CARNMT1: variants seen among roughly 807,000 people sequenced by gnomAD.
CARNMT1 encodes the protein protein-L-histidine N-pros-methyltransferase CARNMT1.
CARNMT1 carries 28 observed loss-of-function variants against 49.6 expected under a neutral mutation model. The observed-to-expected ratio is 0.56, with a 90% confidence interval of 0.42 to 0.77. The LOEUF is 0.77. Ranked by LOEUF, CARNMT1 falls within the 30% of genes least tolerant of loss-of-function variation. The pLI, the probability that CARNMT1 is intolerant of heterozygous loss-of-function variation, is 0.00. For synonymous variants in CARNMT1, 178 were observed against 175.0 expected, an observed-to-expected ratio of 1.02 and a Z score of -0.13; for missense variants, 421 against 512.6, an observed-to-expected ratio of 0.82 and a Z score of 1.73.
intron 3 of CARNMT1, among the ~76,000 whole-genome samples, chr9:75,000,487 C>G (rs529674286): frequency 1.3e-5 from 2 of 152,258 alleles, no homozygotes; most frequent in East Asian, 3.9e-4. Flanking sequence ...CACAACCAAA[C>G]TGATCTCTAC....
At chr9:75,006,233 G>A (rs996555853) in intron 3 of CARNMT1, among the ~76,000 whole-genome samples, 1 of 151,974 alleles carries the variant, frequency 6.6e-6, no homozygotes, top group South Asian at 2.1e-4. Flanking sequence ...TGTATTTTTA[G>A]TAGAGACGGG....
intron 1 of CARNMT1, among the ~76,000 whole-genome samples, chr9:75,019,933 T>C (rs1409544872): frequency 6.6e-6 from 1 of 152,212 alleles, no homozygotes; most frequent in Non-Finnish European, 1.5e-5. Context: ...ACCATCTGGA[T>C]AACCTCAAGA....
intron 4 of CARNMT1, among the ~76,000 whole-genome samples, chr9:74,999,002 A>C (rs1425829193): frequency 2.0e-5 from 3 of 152,196 alleles, no homozygotes; most frequent in Non-Finnish European, 2.9e-5. Flanking sequence ...CAGAGATATA[A>C]ATGTGCTGTT....
Position 75,028,282 on chromosome 9 carries a change from G to A in CARNMT1, c.-41C>T. ...CGGCCTGGCTCGCTTGCGTCTCTCCGCGACCGACAGCGTGGTGGCGGCTGC... is the reference window on the plus strand; with the variant it reads ...CGGCCTGGCTCGCTTGCGTCTCTCCACGACCGACAGCGTGGTGGCGGCTGC... On this transcript the variant is annotated 5_prime_UTR_variant, in exon 1 of 8. Coordinates refer to ENST00000376834, the MANE Select transcript of CARNMT1 (RefSeq NM_152420.3). 4 of 1,342,420 alleles carry A rather than the reference G, an allele frequency of 3.0e-6. No individual in the cohort carries two copies. Among genetic ancestry groups the A allele is most frequent in the Non-Finnish European group, 3.8e-6 (4 of 1,051,818 alleles). 83.2% of individuals were successfully genotyped at this position (1,342,420 alleles called of 1,614,324 possible).
At chr9:74,985,364 G>A (rs912999668) in intron 6 of CARNMT1, among the ~76,000 whole-genome samples, 4 of 152,184 alleles carry the variant, frequency 2.6e-5, no homozygotes, top group Admixed American at 1.3e-4. Context: ...CAAAACTGCA[G>A]TTACCAACTG....
In CARNMT1 at chr9:74,986,027, A is replaced by C. The variant is rs570652546; in HGVS notation, c.1025-1017T>G. Among the ~76,000 whole-genome samples, 19 of 152,326 alleles carry C rather than the reference A, an allele frequency of 1.2e-4. No homozygotes were observed. In the South Asian group the frequency reaches 3.5e-3, roughly 28 times the overall value. ...ATTCAAGAAATGCACATATGATTTA[A>C]AGCATGATTTTCAAATCTTTCAATC... is the stretch of plus-strand genomic sequence containing the variant. On this transcript the variant is annotated intron_variant, in intron 6 of 7. Transcript: ENST00000376834.
intron 6 of CARNMT1, among the ~76,000 whole-genome samples, chr9:74,989,720 A>G (rs1254988760): frequency 2.6e-5 from 4 of 152,186 alleles, no homozygotes; most frequent in Non-Finnish European, 2.9e-5. Context: ...GGGGAAAAAC[A>G]CTTCAACCCA....
chr9:74,984,107 T>C (rs541086681), intron 7 of CARNMT1, among the ~76,000 whole-genome samples: 1 of 152,216 alleles, frequency 6.6e-6, no homozygotes, highest in Non-Finnish European at 1.5e-5. Flanking sequence ...TCTGAACTAC[T>C]ATAATATGTT....
At chr9:75,017,813 T>C (rs1377901713) in intron 1 of CARNMT1, among the ~76,000 whole-genome samples, 17 of 152,226 alleles carry the variant, frequency 1.1e-4, no homozygotes, top group Admixed American at 9.8e-4. Context: ...AAATAAATAC[T>C]GCTATGAAAT....
chr9:75,018,650 A>T (rs1003007041), intron 1 of CARNMT1, among the ~76,000 whole-genome samples: 1 of 152,050 alleles, frequency 6.6e-6, no homozygotes, highest in African/African-American at 2.4e-5. Flanking sequence ...AAACATGAAC[A>T]ATCTTTGTCA....
chr9:75,012,284 GTTTT>G lies in CARNMT1; in HGVS notation c.590+3980_590+3983del, dbSNP rs869040579. Among the ~76,000 whole-genome samples, 1,212 of 134,024 alleles carry G rather than the reference GTTTT, an allele frequency of 9.0e-3. 13 individuals are homozygous for G. Among genetic ancestry groups the G allele is most frequent in the Non-Finnish European group, 9.1e-3 (566 of 62,072 alleles). 87.9% of individuals were successfully genotyped at this position (134,024 alleles called of 152,430 possible). A position where few individuals can be genotyped will look rare whatever the true frequency, so the allele number is the denominator to read the frequency against. On this transcript the variant is annotated intron_variant, in intron 3 of 7. Coordinates refer to ENST00000376834, the MANE Select transcript of CARNMT1 (RefSeq NM_152420.3). ...GGTACTGAGGGTCTTCAAGTTTTTG[GTTTT>G]TTTTTTTTTTTTTTCTTTGAGATAG...
At chr9:74,999,350 G>T (rs1164236019) in intron 4 of CARNMT1, among the ~76,000 whole-genome samples, 1 of 152,156 alleles carries the variant, frequency 6.6e-6, no homozygotes, top group Non-Finnish European at 1.5e-5. Flanking sequence ...TGATTAAGGA[G>T]AAAAAGTTAT....
chr9:74,995,803 T>C (rs1007327815), intron 6 of CARNMT1, among the ~76,000 whole-genome samples: 2 of 152,178 alleles, frequency 1.3e-5, no homozygotes, highest in Non-Finnish European at 2.9e-5. Flanking sequence ...AGAATACATG[T>C]ATATCTACCT....
rs572656684 is a variant in CARNMT1 at position 75,011,155 on chromosome 9, A to C, written c.590+5113T>G. ...GGTTGGCAAAAGGTCAAAGGCTTAA[A>C]ACTACAGTATTTGTCAGGGCTGTGC... On this transcript the variant is annotated intron_variant, in intron 3 of 7. Transcript: ENST00000376834. 2.6e-5 allele frequency among the ~76,000 whole-genome samples: 4 copies of C among 152,336 alleles called. No homozygotes were observed. In the South Asian group the frequency reaches 8.3e-4, roughly 32 times the overall value.
chr9:74,989,589 T>TGGAGG (rs1274343377), intron 6 of CARNMT1, among the ~76,000 whole-genome samples: 2 of 152,130 alleles, frequency 1.3e-5, no homozygotes, highest in Admixed American at 6.6e-5. Flanking sequence ...TAATCCCACA[T>TGGAGG]GGAGGGAGGG....
chr9:74,994,181 A>T (rs1270238804), intron 6 of CARNMT1, among the ~76,000 whole-genome samples: 3 of 152,240 alleles, frequency 2.0e-5, no homozygotes, highest in Non-Finnish European at 4.4e-5. Context: ...ACACAGCAAG[A>T]GGGTAACCCC....
chr9:75,013,573 A>G (rs1338520655), intron 3 of CARNMT1, among the ~76,000 whole-genome samples: 4 of 119,244 alleles, frequency 3.4e-5, no homozygotes, highest in East Asian at 3.6e-4. Flanking sequence ...TTCAGCTGGG[A>G]AAAAAAAAAA....
intron 3 of CARNMT1, among the ~76,000 whole-genome samples, chr9:75,007,731 AAAAATAAAAATAAT>A (rs910603479): frequency 1.2e-4 from 16 of 138,436 alleles, no homozygotes; most frequent in African/African-American, 3.4e-4. Flanking sequence ...CCTGTCTCAA[AAAAATAAAAATAAT>A]AAAAAAAAAA....
chr9:75,028,231 C>A lies in CARNMT1; in HGVS notation c.11G>T (p.Arg4Leu), dbSNP rs1232955001. The A allele has an allele frequency of 7.2e-7, 1 of 1,390,920 alleles. No individual in the cohort carries two copies. Among genetic ancestry groups the A allele is most frequent in the South Asian group, 1.7e-5 (1 of 59,182 alleles). The allele number at this position is 1,390,920 out of a possible 1,614,324, so 86.2% of individuals were successfully genotyped here. A position where few individuals can be genotyped will look rare whatever the true frequency, so the allele number is the denominator to read the frequency against. The change falls in exon 1 of 8, where the codon CGG becomes CTG. Residue 4 changes from arginine to leucine, a missense_variant. Physicochemically the swap from Arg to Leu is moderately radical, Grantham distance 102 (BLOSUM62 -2). Transcript: ENST00000376834. ...GGAGGTGGGCGGCGGAGGGCGACGC[C>A]GTCGCTGCATCGCCGCCGCGGCCCT... MQR[R>L]RRPPPPTSRL...
Sources: gnomAD v4.1 joint callset for allele counts (sites outside exome capture counted in the v4.1 genomes callset) on GRCh38, gnomAD v4.1.1 for gene constraint, MANE v1.5 for transcripts, NCBI Gene and HGNC (gene_info 2026-07-23, HGNC 2026-07-21) for gene names.